Variants in RRP9 observed in about 807,000 individuals in gnomAD.
RRP9 encodes the protein U3 small nucleolar RNA-interacting protein 2.
Under a neutral mutation model 65.5 loss-of-function variants are expected in RRP9, and 35 were observed. The observed-to-expected ratio is 0.53, with a 90% CI of 0.41 to 0.71. RRP9 has a LOEUF of 0.71. Ranked by LOEUF, RRP9 falls within the 30% of genes least tolerant of loss-of-function variation. RRP9 has a pLI of 0.00. For synonymous variants in RRP9, 254 were observed against 245.0 expected (o/e 1.04, Z -0.34); for missense variants, 533 against 633.6 (o/e 0.84, Z 1.70).
rs371755390 is a variant in RRP9, at chr3:51,941,472, C to G, written c.107G>C (p.Arg36Thr). ...CTTGCCGCCACCCTTGGATTTGCCC[C>G]TGTCCCCCGCAGAGTCGGCCTGGGA... is the stretch of plus-strand genomic sequence containing the variant. Reference protein sequence around the residue: ...RRRKADSAGDRGKSKGGGKMN... With the variant: ...RRRKADSAGDTGKSKGGGKMN... Residue 36 changes from arginine to threonine, a missense_variant, in exon 2 of 15, where the codon AGG becomes ACG. By Grantham distance (71) the Arg-to-Thr change is moderately conservative. Coordinates refer to ENST00000232888, the MANE Select transcript of RRP9 (RefSeq NM_004704.5). 8 of 1,614,036 alleles carry G rather than the reference C, an allele frequency of 5.0e-6. No homozygotes were observed. The highest frequency in any genetic ancestry group is 6.8e-6 in the Non-Finnish European group (8 of 1,180,046).
At chr3:51,935,319 A>G in intron 10 of RRP9, 23 bp downstream of exon 10, 4 of 1,613,852 alleles carry the variant, frequency 2.5e-6, no homozygotes, top group Non-Finnish European at 3.4e-6. Flanking sequence ...TGTAGCCCCC[A>G]CTGGCATGGC....
chr3:51,937,794 T>A lies in RRP9; in HGVS notation c.281-58A>T, dbSNP rs1699477024. On this transcript the variant is annotated intron_variant, in intron 3 of 14. Coordinates refer to ENST00000232888, the MANE Select transcript of RRP9 (RefSeq NM_004704.5). The surrounding 1 kb of genome is among the most constrained non-coding windows in gnomAD (Gnocchi z 5.0). ...GGCTGAGACCCCTCTTTCCCTTCCA[T>A]CCTGTCCCCATCCCACTGCCCCAGG... 5 of 1,593,080 alleles carry A rather than the reference T, an allele frequency of 3.1e-6. No individual in the cohort carries two copies. The highest frequency in any genetic ancestry group is 1.3e-5 in the African/African-American group (1 of 74,586).
chr3:51,941,830 G>A lies in RRP9; in HGVS notation c.38C>T (p.Pro13Leu), dbSNP rs4687604. The change falls in exon 1 of 15, where the codon CCG (proline) becomes CTG (leucine). Residue 13 changes from proline to leucine, a missense_variant. This residue lies in a region of RRP9 where 77 missense variants were observed against 60.5 expected (regional missense o/e 1.27). Coordinates refer to ENST00000232888, the MANE Select transcript of RRP9 (RefSeq NM_004704.5). ...CGCGCCAGCCCCGGCCCCAGAGGCCGGCTTTCCCCGCTTACGAGCAGCCGC... is the reference window on the plus strand; with the variant it reads ...CGCGCCAGCCCCGGCCCCAGAGGCCAGCTTTCCCCGCTTACGAGCAGCCGC... ...ATAAARKRGK[P>L]ASGAGAGAGA... is the part of the protein sequence containing the mutation. 2 of 1,582,768 alleles carry A rather than the reference G, an allele frequency of 1.3e-6. No individual in the cohort carries two copies. Among genetic ancestry groups the A allele is most frequent in the Admixed American group, 1.7e-5 (1 of 59,024 alleles).
intron 9 of RRP9, 35 bp downstream of exon 9, chr3:51,935,557 A>T (rs746983600): frequency 1.1e-5 from 18 of 1,612,862 alleles, no homozygotes; most frequent in Non-Finnish European, 1.4e-5. Context: ...ACCCTCTCTC[A>T]CACCATCCAC....
intron 2 of RRP9, 93 bp from the exon 3 acceptor site, chr3:51,938,297 C>T: frequency 2.3e-6 from 2 of 875,922 alleles, no homozygotes; most frequent in Non-Finnish European, 3.5e-6. Context: ...GCCATCCAAC[C>T]TCCCCTATTC....
chr3:51,937,576 C>T lies in RRP9; in HGVS notation c.359G>A (p.Arg120Lys), dbSNP rs755835747. 1.9e-6 allele frequency: 3 copies of T among 1,614,262 alleles called. No homozygotes were observed. Among genetic ancestry groups the T allele is most frequent in the African/African-American group, 2.7e-5 (2 of 75,062 alleles). The change falls in exon 5 of 15, where the codon AGG becomes AAG. Residue 120 changes from arginine to lysine, a missense_variant. Arg to Lys is a conservative substitution (Grantham distance 26). Coordinates refer to ENST00000232888, the MANE Select transcript of RRP9 (RefSeq NM_004704.5). This position sits in a 1 kb window ranked among gnomAD's most constrained non-coding sequence, Gnocchi z 5.0. Reference protein sequence around the residue: ...GRLKEDVLEQRGRLQKLVAKE... With the variant: ...GRLKEDVLEQKGRLQKLVAKE... The stretch of plus-strand genomic sequence containing the variant: ...TGCCACCAACTTCTGCAGCCTGCCC[C>T]TCTGCTCAAGCTGCATGGAGAAGAG...
chr3:51,939,516 G>A (rs1239061735), intron 2 of RRP9, among the ~76,000 whole-genome samples: 2 of 152,348 alleles, frequency 1.3e-5, no homozygotes, highest in East Asian at 3.9e-4. Context: ...GAAGGAGAGG[G>A]GCTGACTACG....
rs1052953220 is a variant in RRP9, at chr3:51,933,548, G to C, written c.1386C>G (p.Ile462Met). 1 of 1,614,148 alleles carries C rather than the reference G, an allele frequency of 6.2e-7. No individual in the cohort carries two copies. Among genetic ancestry groups the C allele is most frequent in the Non-Finnish European group, 8.5e-7 (1 of 1,180,010 alleles). ...IKEARNSVCI[I>M]PLRRVPVPPA... ...GGGGTACAGGGACCCTGCGGAGTGGGATGATGCAGACAGAATTCCGAGCCT... is the reference window on the plus strand; with the variant it reads ...GGGGTACAGGGACCCTGCGGAGTGGCATGATGCAGACAGAATTCCGAGCCT... The change falls in exon 15 of 15, where the codon ATC becomes ATG. Residue 462 changes from isoleucine to methionine, a missense_variant. By Grantham distance (10) the Ile-to-Met change is conservative. Coordinates refer to ENST00000232888, the MANE Select transcript of RRP9 (RefSeq NM_004704.5).
At chr3:51,936,123 C>T (rs1368565544) in intron 8 of RRP9, 134 bp downstream of exon 8, 1 of 788,152 alleles carries the variant, frequency 1.3e-6, no homozygotes, top group African/African-American at 1.7e-5. Flanking sequence ...ATGTATTTTA[C>T]AGCACCACTC....
Position 51,937,626 on chromosome 3 carries a change from C to G in RRP9, c.349-40G>C, listed in dbSNP as rs1462750003. On this transcript the variant is annotated intron_variant, in intron 4 of 14. Transcript: ENST00000232888. This position sits in a 1 kb window ranked among gnomAD's most constrained non-coding sequence, Gnocchi z 5.0. ...GATGGATGAGACCCTGGGAGCAGAT[C>G]AGCTCCACCCCCGTCCTCCCCCAAC... The G allele has an allele frequency of 5.0e-6, 8 of 1,614,102 alleles. No individual in the cohort carries two copies. In the African/African-American group the frequency reaches 9.3e-5, roughly 19 times the overall value.
chr3:51,937,834 G>C lies in RRP9; in HGVS notation c.281-98C>G. ...ACTGCCCCAGGGCTGGATAATGCAGGAAGCTCCAGCTGCCTCAGCAGAGGG... is the reference window on the plus strand; with the variant it reads ...ACTGCCCCAGGGCTGGATAATGCAGCAAGCTCCAGCTGCCTCAGCAGAGGG... On this transcript the variant is annotated intron_variant, in intron 3 of 14. Coordinates refer to ENST00000232888, the MANE Select transcript of RRP9 (RefSeq NM_004704.5). The surrounding 1 kb of genome is among the most constrained non-coding windows in gnomAD (Gnocchi z 5.0). 2.1e-6 allele frequency: 3 copies of C among 1,440,612 alleles called. No individual in the cohort carries two copies. The Admixed American group carries it at 5.5e-5, about 26-fold the overall frequency. The allele number at this position is 1,440,612 out of a possible 1,614,324, so 89.2% of individuals were successfully genotyped here. A position where few individuals can be genotyped will look rare whatever the true frequency, so the allele number is the denominator to read the frequency against.
In RRP9 at chr3:51,936,560, AGTTGGGG is replaced by A. The variant is rs1559743757; in HGVS notation, c.518-12_518-6del. 1 of 1,612,960 alleles carries A rather than the reference AGTTGGGG, an allele frequency of 6.2e-7. No homozygotes were observed. Among genetic ancestry groups the A allele is most frequent in the East Asian group, 2.2e-5 (1 of 44,828 alleles). On this transcript the variant is annotated splice_polypyrimidine_tract_variant and splice_region_variant and intron_variant, in intron 6 of 14. Coordinates refer to ENST00000232888, the MANE Select transcript of RRP9 (RefSeq NM_004704.5). ...TCCGTCCACTCTCCACGCTCCCTGC[AGTTGGGG>A]GTGGGGGAGAAGCTACTGGGATGGG...
In RRP9 at chr3:51,937,493, G is replaced by C. The variant is rs1226038663; in HGVS notation, c.390+52C>G. ...GGCCCAAGTGTCCACCATGTTCCAA[G>C]TGGGGCCCCCAATTCCCTCCAACCT... On this transcript the variant is annotated intron_variant, in intron 5 of 14. Coordinates refer to ENST00000232888, the MANE Select transcript of RRP9 (RefSeq NM_004704.5). The surrounding 1 kb of genome is among the most constrained non-coding windows in gnomAD (Gnocchi z 5.0). 4.3e-6 allele frequency: 7 copies of C among 1,612,784 alleles called. No individual in the cohort carries two copies. Among genetic ancestry groups the C allele is most frequent in the Non-Finnish European group, 5.9e-6 (7 of 1,178,956 alleles).
chr3:51,937,552 G>A lies in RRP9; in HGVS notation c.383C>T (p.Ala128Val). 6.2e-7 allele frequency: 1 copy of A among 1,614,142 alleles called. No individual in the cohort carries two copies. The highest frequency in any genetic ancestry group is 8.5e-7 in the Non-Finnish European group (1 of 1,180,012). Residue 128 changes from alanine (A) to valine (V), a missense_variant, in exon 5 of 15, where the codon GCA becomes GTA. Transcript: ENST00000232888. The surrounding 1 kb of genome is among the most constrained non-coding windows in gnomAD (Gnocchi z 5.0). The part of the protein sequence containing the change: ...EQRGRLQKLV[A>V]KEIQAPASAD... ...AATACCATGCCCACTCACCTCTTTT[G>A]CCACCAACTTCTGCAGCCTGCCCCT...
chr3:51,934,323 G>A lies in RRP9; in HGVS notation c.1260+149C>T, dbSNP rs1047765942. 1 of 743,040 alleles carries A rather than the reference G, an allele frequency of 1.3e-6. No homozygotes were observed. The highest frequency in any genetic ancestry group is 2.2e-6 in the Non-Finnish European group (1 of 453,274). The allele number at this position is 743,040 out of a possible 1,614,324, so 46.0% of individuals were successfully genotyped here. ...GGAAGGGGAGCAGAGGAGGGAAAGT[G>A]GGGAGGGTTCCTGCCAGGCCCTGTG... On this transcript the variant is annotated intron_variant, in intron 13 of 14. Coordinates refer to ENST00000232888, the MANE Select transcript of RRP9 (RefSeq NM_004704.5). This position sits in a 1 kb window ranked among gnomAD's most constrained non-coding sequence, Gnocchi z 4.1.
chr3:51,936,700 C>T (rs1205135491), intron 6 of RRP9, 145 bp from the exon 7 acceptor site: 24 of 830,400 alleles, frequency 2.9e-5, no homozygotes, highest in Non-Finnish European at 3.9e-5. Context: ...CGTGAGCCTC[C>T]GGACAAGCTG....
Position 51,936,338 on chromosome 3 carries a change from G to T in RRP9, c.654C>A (p.Asp218Glu). Residue 218 changes from aspartate to glutamate, a missense_variant, in exon 8 of 15, where the codon GAC becomes GAA. Asp to Glu is a conservative substitution (Grantham distance 45). This residue lies in a region of RRP9 where 449 missense variants were observed against 550.6 expected (regional missense o/e 0.82). Transcript: ENST00000232888. The part of the protein sequence containing the change: ...SSDGKYLASG[D>E]RSKLILIWEA... ...CCCAAATGAGAATGAGCTTGCTGCG[G>T]TCACCAGAGGCCTGCAGGGATGAAG... The T allele has an allele frequency of 6.2e-7, 1 of 1,614,204 alleles. No individual in the cohort carries two copies. The highest frequency in any genetic ancestry group is 8.5e-7 in the Non-Finnish European group (1 of 1,180,032).
In RRP9 at chr3:51,934,465, C is replaced by G. The variant is rs1440148307; in HGVS notation, c.1260+7G>C. 6.2e-7 allele frequency: 1 copy of G among 1,611,610 alleles called. No homozygotes were observed. The highest frequency in any genetic ancestry group is 2.2e-5 in the East Asian group (1 of 44,878). ...GACAGGCTGAGCATTCAAGCACACT[C>G]ACTCACCAGGGGGATGTCACAGAGA... On this transcript the variant is annotated splice_region_variant and intron_variant, in intron 13 of 14. Coordinates refer to ENST00000232888, the MANE Select transcript of RRP9 (RefSeq NM_004704.5). The surrounding 1 kb of genome is among the most constrained non-coding windows in gnomAD (Gnocchi z 4.1).
At chr3:51,941,554 C>A (rs554125748) in intron 1 of RRP9, 63 bp from the exon 2 acceptor site, 3 of 932,026 alleles carry the variant, frequency 3.2e-6, no homozygotes, top group Admixed American at 4.1e-5. Context: ...TGACCAAGGG[C>A]CCCCCCCCCT....
Sources: gnomAD v4.1 joint callset for allele counts (sites outside exome capture counted in the v4.1 genomes callset) on GRCh38, gnomAD v4.1.1 for gene constraint, gnomAD v4.1.1 regional missense constraint, Gnocchi (gnomAD v3.1) non-coding constraint, MANE v1.5 for transcripts, NCBI Gene and HGNC (gene_info 2026-07-23, HGNC 2026-07-21) for gene names.